CD1C: variants seen among roughly 807,000 people sequenced by gnomAD.
CD1C encodes the protein CD1c molecule.
A neutral mutation model predicts 39.4 loss-of-function variants in CD1C; 47 were observed. The ratio of observed to expected loss-of-function variants is 1.19; its 90% CI spans 0.94 to 1.52. CD1C has a LOEUF of 1.52. CD1C is among the 40% of genes most tolerant of loss of function. The probability of loss-of-function intolerance (pLI) is 0.00; values close to 1 mark genes in which losing one functional copy is unlikely to be tolerated. For missense variants in CD1C, 417 were observed against 395.2 expected (o/e 1.06, Z -0.47); for synonymous variants, 165 against 150.8 (o/e 1.09, Z -0.69).
intron 1 of CD1C, 40 bp downstream of exon 1, chr1:158,290,165 G>C (rs1396149874): frequency 6.3e-7 from 1 of 1,583,060 alleles, no homozygotes; most frequent in Non-Finnish European, 8.7e-7. Flanking sequence ...ACATGTATCT[G>C]GGTAGAGTGT....
chr1:158,293,184 C>A, intron 4 of CD1C, 28 bp from the exon 5 acceptor site: 1 of 1,527,062 alleles, frequency 6.5e-7, no homozygotes, highest in Non-Finnish European at 9.0e-7. Flanking sequence ...TTTAAAATGG[C>A]ATCCATGTAT....
intron 1 of CD1C, 23 bp from the exon 2 acceptor site, chr1:158,291,111 A>G (rs758921438): frequency 4.4e-6 from 7 of 1,592,786 alleles, no homozygotes; most frequent in Non-Finnish European, 6.0e-6. Flanking sequence ...TCCTTACACT[A>G]CTTGCCCTTC....
intron 1 of CD1C, 128 bp downstream of exon 1, chr1:158,290,253 T>G (rs1207855350): frequency 1.3e-6 from 1 of 776,754 alleles, no homozygotes; most frequent in African/African-American, 1.7e-5. Context: ...AGGTCCAGTT[T>G]ACTCTTTTGG....
rs1200378916 is a variant in CD1C at position 158,294,378 on chromosome 1, T to TACAGTTAG, written c.*906_*907insTTAGACAG. Among the ~76,000 whole-genome samples the TACAGTTAG allele has an allele frequency of 9.9e-5, 15 of 152,244 alleles. No individual in the cohort carries two copies. Among genetic ancestry groups the TACAGTTAG allele is most frequent in the Admixed American group, 9.2e-4 (14 of 15,290 alleles). ...TGGGTACTGAGTTGAGACAGGCACA[T>TACAGTTAG]ACAGCTTCTAAACTGGTGGTGGATA... On this transcript the variant is annotated 3_prime_UTR_variant, in exon 6 of 6. Coordinates refer to ENST00000368170, the MANE Select transcript of CD1C (RefSeq NM_001765.3).
In CD1C at chr1:158,292,745, A is replaced by G; in HGVS notation, c.760A>G (p.Ile254Val). 2 of 1,614,174 alleles carry G rather than the reference A, an allele frequency of 1.2e-6. No individual in the cohort carries two copies. The highest frequency in any genetic ancestry group is 1.7e-6 in the Non-Finnish European group (2 of 1,180,032). The change falls in exon 4 of 6, where the codon ATT becomes GTT. Residue 254 changes from isoleucine (I) to valine (V), a missense_variant. Coordinates refer to ENST00000368170, the MANE Select transcript of CD1C (RefSeq NM_001765.3). The part of the protein sequence containing the change: ...QEQLGTKHGD[I>V]LPNADGTWYL... ...GCAACTGGGCACTAAACATGGTGAT[A>G]TTCTTCCTAATGCTGATGGGACATG...
rs1325741765 is a variant in CD1C, at chr1:158,293,565, C to A, written c.*89C>A. On this transcript the variant is annotated 3_prime_UTR_variant, in exon 6 of 6. Transcript: ENST00000368170. ...TAGTGATGCCATCCCGTCGACTCTCCATTTAAATTGTTTCTCTTTCTGCAT... is the reference window on the plus strand; with the variant it reads ...TAGTGATGCCATCCCGTCGACTCTCAATTTAAATTGTTTCTCTTTCTGCAT... 6.2e-7 allele frequency: 1 copy of A among 1,613,872 alleles called. No homozygotes were observed. The highest frequency in any genetic ancestry group is 1.1e-5 in the South Asian group (1 of 91,054).
At chr1:158,293,418 C>A in intron 5 of CD1C, 37 bp from the exon 6 acceptor site, 1 of 1,611,940 alleles carries the variant, frequency 6.2e-7, no homozygotes, top group South Asian at 1.1e-5. Context: ...CCACCTCCAA[C>A]TTATTCAGGG....
chr1:158,292,478 G>A, intron 3 of CD1C, 113 bp downstream of exon 3: 1 of 1,487,420 alleles, frequency 6.7e-7, no homozygotes, highest in South Asian at 1.3e-5. Context: ...GGGGTTGCTG[G>A]GTAATAGTTT....
In CD1C at chr1:158,293,226, A is replaced by G. The variant is rs770103816; in HGVS notation, c.904A>G (p.Met302Val). ...IILYWGHHFS[M>V]NWIALVVIVP... ...AATATGTGCAGGACACCACTTTTCC[A>G]TGAATTGGATTGCCTTGGTAGTGAT... Residue 302 changes from methionine to valine, a missense_variant, in exon 5 of 6, where the codon ATG (methionine) becomes GTG (valine). Coordinates refer to ENST00000368170, the MANE Select transcript of CD1C (RefSeq NM_001765.3). 2 of 1,613,664 alleles carry G rather than the reference A, an allele frequency of 1.2e-6. No individual in the cohort carries two copies. Among genetic ancestry groups the G allele is most frequent in the African/African-American group, 1.3e-5 (1 of 74,908 alleles).
chr1:158,290,394 G>A (rs1650992181), intron 1 of CD1C, among the ~76,000 whole-genome samples: 1 of 152,134 alleles, frequency 6.6e-6, no homozygotes, highest in African/African-American at 2.4e-5. Flanking sequence ...CAGGGCCCAG[G>A]AAAATGATGT....
intron 5 of CD1C, 57 bp from the exon 6 acceptor site, chr1:158,293,398 T>A (rs1418726203): frequency 6.2e-7 from 1 of 1,602,190 alleles, no homozygotes; most frequent in Non-Finnish European, 8.5e-7. Context: ...CTCCACCTTA[T>A]CCTCAGTTAC....
At chr1:158,290,191 G>A in intron 1 of CD1C, 66 bp downstream of exon 1, 2 of 1,424,500 alleles carry the variant, frequency 1.4e-6, no homozygotes, top group South Asian at 2.3e-5. Context: ...GCTTTCCCGA[G>A]ATGGATCAAT....
chr1:158,290,111 G>T lies in CD1C; in HGVS notation c.47G>T (p.Gly16Val), dbSNP rs746347936. ...CTGCTAGCTCTTCTTCTCCCAGGTG[G>T]TGACAATGCAGACGGTAAGAACATC... ...FLLLALLLPG[G>V]DNADASQEHV... Residue 16 changes from glycine to valine, a missense_variant, in exon 1 of 6, where the codon GGT (glycine) becomes GTT (valine). By Grantham distance (109) the Gly-to-Val change is moderately radical (BLOSUM62 -3). Transcript: ENST00000368170. 3.1e-6 allele frequency: 5 copies of T among 1,613,980 alleles called. No homozygotes were observed. Among genetic ancestry groups the T allele is most frequent in the Admixed American group, 3.3e-5 (2 of 60,024 alleles).
intron 2 of CD1C, 119 bp downstream of exon 2, chr1:158,291,519 A>G: frequency 2.0e-6 from 2 of 1,018,724 alleles, no homozygotes. Flanking sequence ...TTCTGCATAG[A>G]TGAACCTTTT....
Position 158,292,327 on chromosome 1 carries a change from G to A in CD1C, c.572G>A (p.Gly191Asp). 6.2e-7 allele frequency: 1 copy of A among 1,614,124 alleles called. No individual in the cohort carries two copies. The highest frequency in any genetic ancestry group is 1.1e-5 in the South Asian group (1 of 91,088). ...AGCACTTGCCCCCGATTTCTCTTGGGTCTCCTGGATGCAGGGAAGATGTAT... is the reference window on the plus strand; with the variant it reads ...AGCACTTGCCCCCGATTTCTCTTGGATCTCCTGGATGCAGGGAAGATGTAT... ...IRSTCPRFLL[G>D]LLDAGKMYVH... Residue 191 changes from glycine (G) to aspartate (D), a missense_variant, in exon 3 of 6, where the codon GGT becomes GAT. Physicochemically the swap from Gly to Asp is moderately conservative, Grantham distance 94 (BLOSUM62 -1). Coordinates refer to ENST00000368170, the MANE Select transcript of CD1C (RefSeq NM_001765.3).
chr1:158,291,115 G>A lies in CD1C; in HGVS notation c.62-19G>A. 1 of 1,550,774 alleles carries A rather than the reference G, an allele frequency of 6.4e-7. No individual in the cohort carries two copies. The highest frequency in any genetic ancestry group is 8.8e-7 in the Non-Finnish European group (1 of 1,142,500). ...TTTTTTTTTTTTCCTTACACTACTT[G>A]CCCTTCTTCCACCAAAAGCATCCCA... is the stretch of plus-strand genomic sequence containing the variant. On this transcript the variant is annotated intron_variant, in intron 1 of 5. Coordinates refer to ENST00000368170, the MANE Select transcript of CD1C (RefSeq NM_001765.3).
chr1:158,292,716 AG>A lies in CD1C; in HGVS notation c.733del (p.Glu245SerfsTer22). Reference protein sequence around the residue: ...PVWVTWMRNEQEQLGTKHGDI... With the variant: ...PVWVTWMRNEXEQLGTKHGDI... ...TGGGTGACATGGATGCGGAATGAAC[AG>A]GAGCAACTGGGCACTAAACATGGTG... On this transcript the variant is annotated frameshift_variant, in exon 4 of 6. Coordinates refer to ENST00000368170, the MANE Select transcript of CD1C (RefSeq NM_001765.3). LOFTEE classifies it high-confidence loss of function. The A allele has an allele frequency of 6.2e-7, 1 of 1,614,196 alleles. No individual in the cohort carries two copies.
At chr1:158,291,978 C>T (rs1651055686) in intron 2 of CD1C, 106 bp from the exon 3 acceptor site, 11 of 1,118,860 alleles carry the variant, frequency 9.8e-6, no homozygotes, top group Non-Finnish European at 1.2e-5. Flanking sequence ...ACTCTCACAT[C>T]CATGTAAAAC....
Position 158,294,670 on chromosome 1 carries a change from A to C in CD1C, c.*1194A>C, listed in dbSNP as rs758528311. Among the ~76,000 whole-genome samples the C allele has an allele frequency of 6.6e-6, 1 of 152,182 alleles. No individual in the cohort carries two copies. Among genetic ancestry groups the C allele is most frequent in the Non-Finnish European group, 1.5e-5 (1 of 68,036 alleles). ...TACCTGTTTGTAGTCAAGCACACCA[A>C]CAACCTGGCATTCTTGCAACTACTG... On this transcript the variant is annotated 3_prime_UTR_variant, in exon 6 of 6. Transcript: ENST00000368170.
Sources: allele counts gnomAD v4.1 joint callset (sites outside exome capture counted in the v4.1 genomes callset), GRCh38; gene constraint gnomAD v4.1.1; transcripts MANE v1.5; gene names NCBI Gene and HGNC (gene_info 2026-07-23, HGNC 2026-07-21).